Variants in KIAA1217 observed in about 807,000 individuals in gnomAD.
The protein encoded by KIAA1217 is sickle tail protein homolog.
A neutral mutation model predicts 163.9 loss-of-function variants in KIAA1217; 88 were observed. That is an observed-to-expected ratio of 0.54 (90% CI 0.45 to 0.64). The LOEUF (loss-of-function observed/expected upper bound fraction) is 0.64. Ranked by LOEUF, KIAA1217 falls within the 30% of genes least tolerant of loss-of-function variation. KIAA1217 has a pLI of 0.00. For synonymous variants in KIAA1217, 903 were observed against 923.1 expected, an observed-to-expected ratio of 0.98 and a Z score of 0.39; for missense variants, 2,372 against 2,475.0, an observed-to-expected ratio of 0.96 and a Z score of 0.88.
At chr10:24,333,667 A>G (rs1438339335) in intron 2 of KIAA1217, among the ~76,000 whole-genome samples, 1 of 152,222 alleles carries the variant, frequency 6.6e-6, no homozygotes, top group Non-Finnish European at 1.5e-5. Context: ...AGGCTGGCCT[A>G]CAAGGTCAAG....
At chr10:23,925,560 G>A (rs1474520206) in intron 1 of KIAA1217, among the ~76,000 whole-genome samples, 1 of 152,196 alleles carries the variant, frequency 6.6e-6, no homozygotes, top group East Asian at 1.9e-4. Context: ...TTTTCTGAGT[G>A]AATTGCAGCT....
intron 1 of KIAA1217, among the ~76,000 whole-genome samples, chr10:23,709,816 A>G (rs1298006487): frequency 6.6e-6 from 1 of 152,166 alleles, no homozygotes; most frequent in African/African-American, 2.4e-5. Context: ...AACTCACCCA[A>G]GGTCACAGGC....
chr10:24,004,929 C>A (rs1385204075), intron 1 of KIAA1217, among the ~76,000 whole-genome samples: 1 of 152,166 alleles, frequency 6.6e-6, no homozygotes. Flanking sequence ...GTTTGGTGTC[C>A]TGGAGGACCA....
chr10:24,087,440 T>C (rs1054498097), intron 2 of KIAA1217, among the ~76,000 whole-genome samples: 9 of 152,230 alleles, frequency 5.9e-5, no homozygotes, highest in African/African-American at 2.2e-4. Flanking sequence ...AAATTTTATG[T>C]ACTTTTTAAA....
intron 2 of KIAA1217, among the ~76,000 whole-genome samples, chr10:24,237,943 G>A (rs1295959633): frequency 6.6e-6 from 1 of 152,204 alleles, no homozygotes; most frequent in Non-Finnish European, 1.5e-5. Context: ...TGGAGGAGAG[G>A]ATCCAAAGCG....
At chr10:24,124,314 T>C (rs1324318484) in intron 2 of KIAA1217, among the ~76,000 whole-genome samples, 1 of 152,310 alleles carries the variant, frequency 6.6e-6, no homozygotes, top group Non-Finnish European at 1.5e-5. Flanking sequence ...TCCAACCATG[T>C]TGGACAGCTT....
chr10:24,026,015 C>T lies in KIAA1217; in HGVS notation c.-171+18641C>T, dbSNP rs141945189. ...ATTTTATTTCATTTTCTTGCTTTAT[C>T]GTACCAGCTAAAGCCATCAGTAAAA... is the stretch of plus-strand genomic sequence containing the variant. On this transcript the variant is annotated intron_variant, in intron 2 of 18. Transcript: ENST00000376462. Among the ~76,000 whole-genome samples the T allele has an allele frequency of 7.2e-5, 11 of 151,846 alleles. 1 individual carries two copies. The East Asian group carries it at 1.4e-3, about 19-fold the overall frequency.
chr10:23,976,862 CT>C (rs1845564700), intron 1 of KIAA1217, among the ~76,000 whole-genome samples: 1 of 152,150 alleles, frequency 6.6e-6, no homozygotes. Context: ...ATGAAATATA[CT>C]TTACTTTGCT....
chr10:23,872,823 T>C (rs1840522683), intron 1 of KIAA1217, among the ~76,000 whole-genome samples: 5 of 152,058 alleles, frequency 3.3e-5, no homozygotes, highest in Admixed American at 3.3e-4. Flanking sequence ...AGAATAGGAA[T>C]GGAGATATAG....
Position 24,434,082 on chromosome 10 carries a change from G to C in KIAA1217, c.752+889G>C, listed in dbSNP as rs146913197. On this transcript the variant is annotated intron_variant, in intron 4 of 20. Coordinates refer to ENST00000376454, the MANE Select transcript of KIAA1217 (RefSeq NM_019590.5). ...GAGACAGTCTTGCTCTTTCGCCCAG[G>C]CTGGAGTACAATGGTGCGATCTCCG... 4.1e-3 allele frequency among the ~76,000 whole-genome samples: 583 copies of C among 140,594 alleles called. 8 individuals are homozygous for C. Among genetic ancestry groups the C allele is most frequent in the African/African-American group, 0.015 (562 of 37,366 alleles). The allele number at this position is 140,594 out of a possible 152,430, so 92.2% of individuals were successfully genotyped here.
intron 2 of KIAA1217, among the ~76,000 whole-genome samples, chr10:24,248,810 C>T (rs1445603166): frequency 6.6e-6 from 1 of 151,592 alleles, no homozygotes; most frequent in Non-Finnish European, 1.5e-5. Context: ...GATTCAGTTT[C>T]CTAAATGAAA....
chr10:23,990,619 G>GT (rs1395058828), intron 1 of KIAA1217, among the ~76,000 whole-genome samples: 1 of 151,754 alleles, frequency 6.6e-6, no homozygotes, highest in Admixed American at 6.6e-5. Context: ...CATGCACTTT[G>GT]TTTTTTTCTG....
intron 1 of KIAA1217, among the ~76,000 whole-genome samples, chr10:23,719,031 C>T (rs1339853241): frequency 6.6e-6 from 1 of 152,038 alleles, no homozygotes; most frequent in African/African-American, 2.4e-5. Context: ...ACCATATGAC[C>T]CTGCAATTCC....
intron 5 of KIAA1217, among the ~76,000 whole-genome samples, chr10:24,468,158 AT>A (rs1308287520): frequency 6.6e-6 from 1 of 152,136 alleles, no homozygotes; most frequent in Non-Finnish European, 1.5e-5. Context: ...GACCTTGGAA[AT>A]CACATTGAAG....
At chr10:24,447,871 C>G (rs765600881) in intron 5 of KIAA1217, among the ~76,000 whole-genome samples, 5 of 152,146 alleles carry the variant, frequency 3.3e-5, no homozygotes, top group Non-Finnish European at 7.3e-5. Flanking sequence ...GTGGCTCACA[C>G]CTGTAATCCC....
At chr10:24,248,640 C>T (rs2131443925) in intron 2 of KIAA1217, among the ~76,000 whole-genome samples, 1 of 125,698 alleles carries the variant, frequency 8.0e-6, no homozygotes, top group South Asian at 2.6e-4. Flanking sequence ...CACTGCCCTC[C>T]AGCCTGGGCA....
chr10:23,740,658 C>T (rs1021884118), intron 1 of KIAA1217, among the ~76,000 whole-genome samples: 2 of 152,188 alleles, frequency 1.3e-5, no homozygotes, highest in African/African-American at 4.8e-5. Context: ...TTATACCTGG[C>T]CTTGTTTTGA....
In KIAA1217 at chr10:23,833,377, G is replaced by T. The variant is rs141051813; in HGVS notation, c.-321+138143G>T. On this transcript the variant is annotated intron_variant, in intron 1 of 18. Coordinates refer to the KIAA1217 transcript ENST00000376462. ...GATTGCCTGTAATCACAGCTACTCA[G>T]GAGGCTGAGGCAGGAGAATTGCTTG... Among the ~76,000 whole-genome samples the T allele has an allele frequency of 4.7e-3, 711 of 152,036 alleles. 5 individuals carry two copies. Among genetic ancestry groups the T allele is most frequent in the African/African-American group, 0.017 (689 of 41,460 alleles).
At chr10:24,366,327 C>G (rs991422566) in intron 2 of KIAA1217, among the ~76,000 whole-genome samples, 1 of 152,018 alleles carries the variant, frequency 6.6e-6, no homozygotes, top group Non-Finnish European at 1.5e-5. Context: ...CGCCTGTAAT[C>G]CCAGCTACTC....
Sources: allele counts gnomAD v4.1 joint callset (sites outside exome capture counted in the v4.1 genomes callset), GRCh38; gene constraint gnomAD v4.1.1; transcripts MANE v1.5; gene names NCBI Gene and HGNC (gene_info 2026-07-23, HGNC 2026-07-21).